Variants in KANK2 observed in about 807,000 individuals in gnomAD.
The protein encoded by KANK2 is KN motif and ankyrin repeat domain-containing protein 2.
Under a neutral mutation model 74.6 loss-of-function variants are expected in KANK2, and 41 were observed. That is an observed-to-expected ratio of 0.55 (90% confidence interval 0.43 to 0.71). KANK2 has a LOEUF of 0.71. KANK2 is among the 30% of genes least tolerant of loss of function. KANK2 has a pLI of 0.00. For missense variants in KANK2, 1,148 were observed against 1,196.4 expected, an observed-to-expected ratio of 0.96 and a Z score of 0.60; for synonymous variants, 537 against 519.0, an observed-to-expected ratio of 1.03 and a Z score of -0.47.
chr19:11,168,770 G>A (rs971102051), intron 12 of KANK2, among the ~76,000 whole-genome samples: 2 of 152,298 alleles, frequency 1.3e-5, no homozygotes, highest in South Asian at 2.1e-4. Flanking sequence ...CGTGAATACT[G>A]TTATGCCAAC....
intron 6 of KANK2, 33 bp downstream of exon 6, chr19:11,178,312 T>C (rs766269284): frequency 4.0e-5 from 25 of 628,968 alleles, no homozygotes; most frequent in Non-Finnish European, 5.5e-5. Flanking sequence ...GGGCGGGAAG[T>C]ATGGGGTGGG....
intron 10 of KANK2, among the ~76,000 whole-genome samples, chr19:11,172,499 A>G (rs1383554093): frequency 6.6e-6 from 1 of 151,502 alleles, no homozygotes; most frequent in Non-Finnish European, 1.5e-5. Context: ...AGCCCCAGTC[A>G]CCTCCACAGT....
chr19:11,190,788 T>C (rs1440374540), intron 4 of KANK2, among the ~76,000 whole-genome samples: 2 of 152,146 alleles, frequency 1.3e-5, no homozygotes, highest in Non-Finnish European at 2.9e-5. Context: ...TGGAGTGCAG[T>C]GGCACAATCT....
intron 6 of KANK2, among the ~76,000 whole-genome samples, chr19:11,177,177 C>T (rs1327706272): frequency 6.7e-6 from 1 of 150,084 alleles, no homozygotes. Flanking sequence ...AACTCTGCCT[C>T]CTGGGTTCAA....
chr19:11,176,907 T>G, intron 6 of KANK2, 90 bp from the exon 7 acceptor site: 1 of 1,421,214 alleles, frequency 7.0e-7, no homozygotes, highest in East Asian at 2.4e-5. Context: ...ATCTGACCTC[T>G]GTGGGCCTCA....
chr19:11,197,299 C>G (rs1165698999), intron 1 of KANK2, 186 bp downstream of exon 1: 1 of 148,878 alleles, frequency 6.7e-6, no homozygotes, highest in East Asian at 2.0e-4. Flanking sequence ...GACGCGGGGA[C>G]AGACACTCCA....
chr19:11,164,452 G>GGA lies in KANK2; in HGVS notation c.*2104_*2105dup, dbSNP rs1284979256. On this transcript the variant is annotated 3_prime_UTR_variant, in exon 13 of 13. Coordinates refer to ENST00000586659, the MANE Select transcript of KANK2 (RefSeq NM_001136191.3). ...CAGAGGCACGAGTCCAGTATCCCACGGAGAGAAGGAAGTGTAGAGAGATGC... is the reference window on the plus strand; with the variant it reads ...CAGAGGCACGAGTCCAGTATCCCACGGAGAGAGAAGGAAGTGTAGAGAGATGC... 34 of 152,120 alleles carry GGA rather than the reference G, an allele frequency of 2.2e-4. No homozygotes were observed. Among genetic ancestry groups the GGA allele is most frequent in the African/African-American group, 8.2e-4 (34 of 41,414 alleles). The allele number at this position is 152,120 out of a possible 1,614,324, so 9.4% of individuals were successfully genotyped here. A position where few individuals can be genotyped will look rare whatever the true frequency, so the allele number is the denominator to read the frequency against.
chr19:11,181,943 A>C (rs1223626410), intron 4 of KANK2, among the ~76,000 whole-genome samples: 2 of 117,970 alleles, frequency 1.7e-5, no homozygotes, highest in Non-Finnish European at 3.4e-5. Context: ...TTTGAGACGG[A>C]GTCTTGCTTT....
intron 4 of KANK2, 129 bp from the exon 5 acceptor site, chr19:11,178,849 T>G (rs1475875094): frequency 1.3e-6 from 1 of 791,448 alleles, no homozygotes; most frequent in African/African-American, 1.8e-5. Flanking sequence ...CCAGTCTTCC[T>G]GCCCCTTGGA....
rs750923584 is a variant in KANK2 at position 11,173,029 on chromosome 19, A to G, written c.2163T>C (p.Thr721=). ...ATLKTQDDIE[T]VLQLFRLGNI... ...TGCCAAGCCGGAAGAGCTGAAGGAC[A>G]GTCTCGATGTCGTCCTGGGTCTTCA... The change falls in exon 10 of 13, where the codon ACT becomes ACC. Residue 721 remains threonine, a synonymous_variant. Coordinates refer to ENST00000586659, the MANE Select transcript of KANK2 (RefSeq NM_001136191.3). The G allele has an allele frequency of 6.2e-7, 1 of 1,614,040 alleles. No homozygotes were observed. Among genetic ancestry groups the G allele is most frequent in the Non-Finnish European group, 8.5e-7 (1 of 1,179,986 alleles).
At chr19:11,178,793 C>A (rs1269581158) in intron 4 of KANK2, 73 bp from the exon 5 acceptor site, 45 of 1,390,278 alleles carry the variant, frequency 3.2e-5, no homozygotes, top group Middle Eastern at 1.9e-4. Context: ...GGGTCATACA[C>A]CCTGGGCCAG....
chr19:11,176,310 C>T (rs961739206), intron 7 of KANK2, among the ~76,000 whole-genome samples: 2 of 152,170 alleles, frequency 1.3e-5, no homozygotes, highest in African/African-American at 2.4e-5. Flanking sequence ...GTAGAGGAAA[C>T]GTCCCAAAGT....
At position 11,170,634 on chromosome 19, in the gene KANK2, G is replaced by C. The variant is rs989903984; in HGVS notation, c.2212-386C>G. On this transcript the variant is annotated intron_variant, in intron 10 of 12. Coordinates refer to ENST00000586659, the MANE Select transcript of KANK2 (RefSeq NM_001136191.3). This position sits in a 1 kb window ranked among gnomAD's most constrained non-coding sequence, Gnocchi z 5.2. ...AGACAGGGTCTTGCTCTGTTGCCCA[G>C]GTTGGCGTGCAGTGGCACGATCGCA... Among the ~76,000 whole-genome samples the C allele has an allele frequency of 5.9e-5, 9 of 152,198 alleles. No homozygotes were observed. Among genetic ancestry groups the C allele is most frequent in the African/African-American group, 2.2e-4 (9 of 41,456 alleles).
chr19:11,180,232 T>G (rs2078475042), intron 4 of KANK2, among the ~76,000 whole-genome samples: 1 of 152,184 alleles, frequency 6.6e-6, no homozygotes, highest in Non-Finnish European at 1.5e-5. Flanking sequence ...ACCAATTAAT[T>G]TGAATTCCCT....
rs754885746 is a variant in KANK2, at chr19:11,166,481, G to A, written c.*77C>T. Reference sequence around the variant, plus strand: ...GGGAGTGTGAGTGGGGTGGGCCAGGGAGGAACGGGAACAGGGAGGAGACGG... The same window carrying A: ...GGGAGTGTGAGTGGGGTGGGCCAGGAAGGAACGGGAACAGGGAGGAGACGG... On this transcript the variant is annotated 3_prime_UTR_variant, in exon 13 of 13. Transcript: ENST00000586659. 7 of 1,369,794 alleles carry A rather than the reference G, an allele frequency of 5.1e-6. No individual in the cohort carries two copies. The highest frequency in any genetic ancestry group is 7.3e-6 in the Non-Finnish European group (7 of 959,602). The allele number at this position is 1,369,794 out of a possible 1,614,324, so 84.9% of individuals were successfully genotyped here.
rs147098304 is a variant in KANK2 at position 11,184,807 on chromosome 19, C to CT, written c.1250-6088dup. On this transcript the variant is annotated intron_variant, in intron 4 of 12. Coordinates refer to ENST00000586659, the MANE Select transcript of KANK2 (RefSeq NM_001136191.3). ...AGCAGGCAGTGACTTCAGGGAACTTCTTTTTTTTCTTTTTTTTTTTTGAGA... is the reference window on the plus strand; with the variant it reads ...AGCAGGCAGTGACTTCAGGGAACTTCTTTTTTTTTCTTTTTTTTTTTTGAGA... Among the ~76,000 whole-genome samples, 825 of 146,290 alleles carry CT rather than the reference C, an allele frequency of 5.6e-3. 49 individuals are homozygous for CT. The highest frequency in any genetic ancestry group is 0.011 in the Middle Eastern group (3 of 282).
At chr19:11,171,401 T>G (rs1004431343) in intron 10 of KANK2, among the ~76,000 whole-genome samples, 3 of 151,996 alleles carry the variant, frequency 2.0e-5, no homozygotes, top group Non-Finnish European at 4.4e-5. Flanking sequence ...CAGCTGTGAT[T>G]GCACCACTGC....
chr19:11,178,606 C>G lies in KANK2; in HGVS notation c.1364G>C (p.Arg455Thr), dbSNP rs1431101542. 1 of 1,602,644 alleles carries G rather than the reference C, an allele frequency of 6.2e-7. No individual in the cohort carries two copies. Among genetic ancestry groups the G allele is most frequent in the African/African-American group, 1.3e-5 (1 of 74,120 alleles). Reference protein sequence around the residue: ...GRVPTQEPTHREPTRQAASQE... With the variant: ...GRVPTQEPTHTEPTRQAASQE... ...GGAGGCTGCTTGCCTGGTGGGCTCC[C>G]TGTGGGTGGGCTCCTGGGTGGGCAC... Residue 455 changes from arginine to threonine, a missense_variant, in exon 5 of 13, where the codon AGG becomes ACG. Transcript: ENST00000586659.
rs769421557 is a variant in KANK2, at chr19:11,193,901, C to T, written c.179G>A (p.Arg60Gln). 19 of 1,613,666 alleles carry T rather than the reference C, an allele frequency of 1.2e-5. No individual in the cohort carries two copies. The Middle Eastern group carries it at 4.9e-4, about 42-fold the overall frequency. ...GGGGCGGCGCTGCACTGCCACGCGT[C>T]GCAGCGTGTGGCCCTTCTCGATGTC... The part of the protein sequence containing the change: ...VDDIEKGHTL[R>Q]RVAVQRRPRL... Residue 60 changes from arginine (R) to glutamine (Q), a missense_variant, in exon 4 of 13, where the codon CGA (arginine) becomes CAA (glutamine). By Grantham distance (43) the Arg-to-Gln change is conservative. Coordinates refer to ENST00000586659, the MANE Select transcript of KANK2 (RefSeq NM_001136191.3). This position sits in a 1 kb window ranked among gnomAD's most constrained non-coding sequence, Gnocchi z 9.6.
Sources: allele counts gnomAD v4.1 joint callset (sites outside exome capture counted in the v4.1 genomes callset), GRCh38; gene constraint gnomAD v4.1.1; non-coding constraint Gnocchi (gnomAD v3.1); transcripts MANE v1.5; gene names NCBI Gene and HGNC (gene_info 2026-07-23, HGNC 2026-07-21).